NAV3: variants seen among roughly 807,000 people sequenced by gnomAD.
The protein encoded by NAV3 is pore membrane and/or filament interacting like protein 1.
Under a neutral mutation model 244.7 loss-of-function variants are expected in NAV3, and 87 were observed. That is an observed-to-expected ratio of 0.36 (90% CI 0.30 to 0.42). The LOEUF (loss-of-function observed/expected upper bound fraction) is 0.42, where lower values mean the gene tolerates loss of function less well. Among genes scored for constraint, NAV3 ranks in the 20% least tolerant of loss-of-function variants. The pLI is 1.00. For synonymous variants in NAV3, 1,126 were observed against 1,042.2 expected, an observed-to-expected ratio of 1.08 and a Z score of -1.55; for missense variants, 2,663 against 2,893.3, an observed-to-expected ratio of 0.92 and a Z score of 1.83.
At chr12:78,035,816 C>A (rs1313998841) in intron 9 of NAV3, among the ~76,000 whole-genome samples, 1 of 152,102 alleles carries the variant, frequency 6.6e-6, no homozygotes, top group South Asian at 2.1e-4. Flanking sequence ...TGACTTTGTT[C>A]TTTAAAAGAT....
chr12:77,776,806 C>A (rs1181978639), intron 2 of NAV3, among the ~76,000 whole-genome samples: 1 of 152,130 alleles, frequency 6.6e-6, no homozygotes, highest in East Asian at 1.9e-4. Context: ...CATGGAGAAA[C>A]CCCGTCTCTA....
chr12:77,653,746 A>G (rs1181427357), intron 2 of NAV3, among the ~76,000 whole-genome samples: 1 of 152,194 alleles, frequency 6.6e-6, no homozygotes, highest in Non-Finnish European at 1.5e-5. Context: ...ATAATGCTCT[A>G]TCTTTATATT....
At chr12:77,629,333 G>T (rs1478008280) in intron 2 of NAV3, among the ~76,000 whole-genome samples, 2 of 152,166 alleles carry the variant, frequency 1.3e-5, no homozygotes, top group Non-Finnish European at 2.9e-5. Context: ...TGAGAATGCT[G>T]AATTAATTAT....
chr12:77,623,663 C>T (rs971859598), intron 2 of NAV3, among the ~76,000 whole-genome samples: 2 of 152,226 alleles, frequency 1.3e-5, no homozygotes, highest in African/African-American at 2.4e-5. Flanking sequence ...TATCTTTATA[C>T]ACTTGTTGTC....
At chr12:78,086,217 C>G (rs1327056523) in intron 12 of NAV3, among the ~76,000 whole-genome samples, 3 of 151,898 alleles carry the variant, frequency 2.0e-5, no homozygotes, top group Non-Finnish European at 4.4e-5. Context: ...GTATTACTAC[C>G]AAAATTGCAT....
At chr12:78,066,841 T>A (rs1474651074) in intron 12 of NAV3, among the ~76,000 whole-genome samples, 1 of 152,110 alleles carries the variant, frequency 6.6e-6, no homozygotes, top group Non-Finnish European at 1.5e-5. Flanking sequence ...CATGTTTTTA[T>A]GTGACTCTGA....
intron 2 of NAV3, among the ~76,000 whole-genome samples, chr12:77,586,395 A>G (rs187678801): frequency 1.3e-4 from 20 of 152,304 alleles, no homozygotes; most frequent in Admixed American, 3.3e-4. Context: ...CAGAAAGACT[A>G]GGGTTTCATT....
chr12:77,693,076 G>T (rs1875112139), intron 2 of NAV3, among the ~76,000 whole-genome samples: 2 of 152,102 alleles, frequency 1.3e-5, no homozygotes, highest in African/African-American at 4.8e-5. Context: ...GAAAGCCAAA[G>T]TGTCCAGAGC....
intron 2 of NAV3, among the ~76,000 whole-genome samples, chr12:77,813,798 T>C (rs1330392694): frequency 1.3e-5 from 2 of 152,200 alleles, no homozygotes; most frequent in African/African-American, 4.8e-5. Flanking sequence ...TTAGAGCCTG[T>C]CACTGATCTA....
chr12:78,095,770 T>G (rs1300410796), intron 12 of NAV3, among the ~76,000 whole-genome samples: 1 of 152,184 alleles, frequency 6.6e-6, no homozygotes, highest in Non-Finnish European at 1.5e-5. Context: ...TCTAGGTTTT[T>G]GTCTTGGGTA....
At chr12:77,607,857 T>C (rs1182825833) in intron 2 of NAV3, among the ~76,000 whole-genome samples, 1 of 152,116 alleles carries the variant, frequency 6.6e-6, no homozygotes, top group Non-Finnish European at 1.5e-5. Flanking sequence ...CCTTTGGAAT[T>C]AGCCCCAGCA....
intron 2 of NAV3, among the ~76,000 whole-genome samples, chr12:77,789,816 G>GAAAAAAA (rs57070028): frequency 4.0e-5 from 3 of 75,622 alleles, no homozygotes; most frequent in East Asian, 4.2e-4. Context: ...GTCTCGAAAA[G>GAAAAAAA]AAAAAAAAAA....
At chr12:78,027,851 T>G (rs1371749429) in intron 9 of NAV3, among the ~76,000 whole-genome samples, 1 of 152,198 alleles carries the variant, frequency 6.6e-6, no homozygotes, top group Non-Finnish European at 1.5e-5. Flanking sequence ...TGTTTGCTTA[T>G]TTTTCATTGT....
intron 2 of NAV3, among the ~76,000 whole-genome samples, chr12:77,751,130 C>T (rs1868830045): frequency 6.6e-6 from 1 of 152,088 alleles, no homozygotes; most frequent in Admixed American, 6.6e-5. Flanking sequence ...ATCCTTTAGG[C>T]ATATGAAAGT....
chr12:77,592,667 C>T (rs576121390), intron 2 of NAV3, among the ~76,000 whole-genome samples: 255 of 152,278 alleles, frequency 1.7e-3, no homozygotes, highest in African/African-American at 5.9e-3. Flanking sequence ...TTGGTCAGTG[C>T]TCCTGCATGT....
chr12:77,596,469 C>G (rs1417874026), intron 2 of NAV3, among the ~76,000 whole-genome samples: 2 of 151,976 alleles, frequency 1.3e-5, no homozygotes, highest in South Asian at 2.1e-4. Context: ...GCTCACATTT[C>G]TAAAATATCG....
rs140331993 is a variant in NAV3 at position 77,793,850 on chromosome 12, C to G, written c.73-146469C>G. Among the ~76,000 whole-genome samples the G allele has an allele frequency of 3.9e-5, 6 of 152,196 alleles. No individual in the cohort carries two copies. The East Asian group carries it at 7.7e-4, about 20-fold the overall frequency. ...TTAGGTATATACCCAGTAATGGGAT[C>G]GCTGGGTCAAATGGTATTTCTGGTT... On this transcript the variant is annotated intron_variant, in intron 2 of 8. Coordinates refer to the NAV3 transcript ENST00000550042.
intron 23 of NAV3, among the ~76,000 whole-genome samples, chr12:78,165,436 TTAA>T (rs1957740904): frequency 6.6e-6 from 1 of 151,910 alleles, no homozygotes; most frequent in African/African-American, 2.4e-5. Context: ...TTCTAAATGA[TTAA>T]TGAGGATTCT....
intron 8 of NAV3, among the ~76,000 whole-genome samples, chr12:78,018,914 G>A (rs1358943349): frequency 2.0e-5 from 3 of 152,100 alleles, no homozygotes. Flanking sequence ...GAAGCCAGGT[G>A]GAAGAACAGA....
Sources: allele counts gnomAD v4.1 joint callset (sites outside exome capture counted in the v4.1 genomes callset), GRCh38; gene constraint gnomAD v4.1.1; transcripts MANE v1.5; gene names NCBI Gene and HGNC (gene_info 2026-07-23, HGNC 2026-07-21).